CALN1: variants seen among roughly 807,000 people sequenced by gnomAD.
CALN1 encodes calcium-binding protein 8.
In CALN1, 17 loss-of-function variants were observed where a neutral mutation model predicts 30.6. That is an observed-to-expected ratio of 0.56 (90% CI 0.38 to 0.83). CALN1 has a LOEUF of 0.83. Among genes scored for constraint, CALN1 ranks in the 40% least tolerant of loss-of-function variants. The probability of loss-of-function intolerance (pLI) is 0.00; values close to 1 mark genes in which losing one functional copy is unlikely to be tolerated. For synonymous variants in CALN1, 156 were observed against 131.4 expected (o/e 1.19, Z -1.28); for missense variants, 291 against 354.9 (o/e 0.82, Z 1.45).
intron 3 of CALN1, among the ~76,000 whole-genome samples, chr7:72,209,670 A>C (rs1305680996): frequency 6.6e-6 from 1 of 152,120 alleles, no homozygotes. Context: ...AAAAGAAAAC[A>C]AAAAACCCTC....
At chr7:72,220,664 G>A (rs1793217948) in intron 3 of CALN1, among the ~76,000 whole-genome samples, 2 of 152,160 alleles carry the variant, frequency 1.3e-5, no homozygotes, top group Admixed American at 1.3e-4. Flanking sequence ...CACCAACAGT[G>A]TAAAAGTGTT....
intron 4 of CALN1, among the ~76,000 whole-genome samples, chr7:72,029,827 G>T (rs758043350): frequency 2.3e-4 from 35 of 152,086 alleles, no homozygotes; most frequent in African/African-American, 8.2e-4. Context: ...CTAACAAATG[G>T]GTAATAATTA....
chr7:72,390,321 C>A (rs761678007), intron 2 of CALN1, among the ~76,000 whole-genome samples: 2 of 152,080 alleles, frequency 1.3e-5, no homozygotes, highest in Non-Finnish European at 1.5e-5. Context: ...ATCTCAGCTA[C>A]TCAGGAGGGT....
At chr7:71,880,613 C>T (rs1440169703) in intron 5 of CALN1, among the ~76,000 whole-genome samples, 1 of 152,190 alleles carries the variant, frequency 6.6e-6, no homozygotes, top group Non-Finnish European at 1.5e-5. Flanking sequence ...TATACAACTG[C>T]TTACGAAACA....
upstream of CALN1, among the ~76,000 whole-genome samples, chr7:72,449,275 A>G (rs1265222004): frequency 6.6e-6 from 1 of 152,184 alleles, no homozygotes; most frequent in Non-Finnish European, 1.5e-5. Context: ...CGGACGGCGC[A>G]CTGCAGAGGG....
chr7:71,961,897 C>T (rs1219613547), intron 5 of CALN1, among the ~76,000 whole-genome samples: 3 of 152,148 alleles, frequency 2.0e-5, no homozygotes, highest in African/African-American at 2.4e-5. Flanking sequence ...CTCTTCCAGA[C>T]CTCGTGAGGT....
At chr7:72,344,913 T>C (rs1057215580) in intron 2 of CALN1, among the ~76,000 whole-genome samples, 2 of 147,672 alleles carry the variant, frequency 1.4e-5, no homozygotes, top group Admixed American at 1.4e-4. Flanking sequence ...TATATAAATG[T>C]ATATGTGAAC....
Position 72,271,195 on chromosome 7 carries a change from C to T in CALN1, c.244+7491G>A, listed in dbSNP as rs140967469. Reference sequence around the variant, plus strand: ...GTTTAAGGGACTTGTGAGACACCTGCACAGGACTACAGGTACTAGGTCTAA... The same window carrying T: ...GTTTAAGGGACTTGTGAGACACCTGTACAGGACTACAGGTACTAGGTCTAA... On this transcript the variant is annotated intron_variant, in intron 3 of 6. Transcript: ENST00000395275. Among the ~76,000 whole-genome samples, 201 of 152,090 alleles carry T rather than the reference C, an allele frequency of 1.3e-3. 1 individual carries two copies. The highest frequency in any genetic ancestry group is 4.6e-3 in the African/African-American group (191 of 41,482).
intron 1 of CALN1, among the ~76,000 whole-genome samples, chr7:72,406,656 AC>A: frequency 7.5e-6 from 1 of 132,768 alleles, no homozygotes; most frequent in African/African-American, 3.0e-5. Context: ...TTGTTCTGTC[AC>A]CCAGGCTGGA....
chr7:72,257,024 A>T (rs1795958114), intron 3 of CALN1, among the ~76,000 whole-genome samples: 1 of 152,170 alleles, frequency 6.6e-6, no homozygotes, highest in Non-Finnish European at 1.5e-5. Flanking sequence ...ATTTATAAAG[A>T]AAATAGGTTT....
intron 2 of CALN1, among the ~76,000 whole-genome samples, chr7:72,315,752 T>G (rs1447344602): frequency 6.6e-6 from 1 of 151,070 alleles, no homozygotes; most frequent in Non-Finnish European, 1.5e-5. Context: ...CAGACATTGG[T>G]AAGGATGGAT....
intron 4 of CALN1, among the ~76,000 whole-genome samples, chr7:72,037,802 A>G (rs1801892652): frequency 6.6e-6 from 1 of 152,110 alleles, no homozygotes; most frequent in South Asian, 2.1e-4. Flanking sequence ...CAATCTGACT[A>G]AACTGAATGT....
intron 1 of CALN1, among the ~76,000 whole-genome samples, chr7:72,420,722 C>G (rs1214398789): frequency 6.7e-6 from 1 of 149,816 alleles, no homozygotes; most frequent in Non-Finnish European, 1.5e-5. Flanking sequence ...CTCCCGGGTT[C>G]ACGCCATTCT....
At chr7:72,446,109 G>T (rs1190014205) in intron 1 of CALN1, among the ~76,000 whole-genome samples, 1 of 152,088 alleles carries the variant, frequency 6.6e-6, no homozygotes, top group Non-Finnish European at 1.5e-5. Context: ...CAATGAAAAT[G>T]CCTCCCTCTG....
intron 3 of CALN1, among the ~76,000 whole-genome samples, chr7:72,139,971 C>G (rs1809775322): frequency 6.6e-6 from 1 of 152,058 alleles, no homozygotes; most frequent in Non-Finnish European, 1.5e-5. Context: ...AATATTTCAC[C>G]ACTGTTGGGG....
chr7:71,914,542 T>C (rs1349228322), intron 5 of CALN1, among the ~76,000 whole-genome samples: 1 of 152,256 alleles, frequency 6.6e-6, no homozygotes, highest in Non-Finnish European at 1.5e-5. Flanking sequence ...CAGAATGATT[T>C]ATATTCCTTT....
intron 5 of CALN1, among the ~76,000 whole-genome samples, chr7:71,968,512 C>T (rs902154829): frequency 2.0e-5 from 3 of 151,864 alleles, no homozygotes; most frequent in African/African-American, 7.3e-5. Context: ...CTAACTGCAC[C>T]CTCCGCCTGC....
chr7:72,016,781 T>C (rs759430454), intron 5 of CALN1, among the ~76,000 whole-genome samples: 1 of 151,194 alleles, frequency 6.6e-6, no homozygotes, highest in South Asian at 2.1e-4. Flanking sequence ...GACCAGCTTA[T>C]AAAATGTCCC....
chr7:72,092,987 G>C (rs1303230075), intron 4 of CALN1, among the ~76,000 whole-genome samples: 1 of 152,052 alleles, frequency 6.6e-6, no homozygotes, highest in Admixed American at 6.6e-5. Flanking sequence ...CTTTAATTTT[G>C]TGGTTTTAAG....
Sources: allele counts gnomAD v4.1 joint callset (sites outside exome capture counted in the v4.1 genomes callset), GRCh38; gene constraint gnomAD v4.1.1; transcripts MANE v1.5; gene names NCBI Gene and HGNC (gene_info 2026-07-23, HGNC 2026-07-21).